Variants in ARHGAP32 observed in about 807,000 individuals in gnomAD.
ARHGAP32 encodes the protein Rho GTPase activating protein 32, also known as rho GTPase-activating protein 32.
ARHGAP32 carries 51 observed loss-of-function variants against 186.5 expected under a neutral mutation model. The ratio of observed to expected loss-of-function variants is 0.27; its 90% CI spans 0.22 to 0.35. ARHGAP32 has a LOEUF of 0.35. ARHGAP32 is among the 10% of genes least tolerant of loss of function. The pLI, the probability that ARHGAP32 is intolerant of heterozygous loss-of-function variation, is 1.00. For synonymous variants in ARHGAP32, 950 were observed against 964.3 expected (o/e 0.99, Z 0.27); for missense variants, 2,186 against 2,623.5 (o/e 0.83, Z 3.64).
intron 12 of ARHGAP32, among the ~76,000 whole-genome samples, chr11:128,989,516 T>TCACACACACACACACACACACACA (rs56090706): frequency 8.6e-5 from 12 of 139,034 alleles, no homozygotes; most frequent in Non-Finnish European, 1.4e-4. Flanking sequence ...GTTTTTTATT[T>TCACACACACACACACACACACACA]CACACACACA....
In ARHGAP32 at chr11:128,981,406, G is replaced by A. The variant is rs748668400; in HGVS notation, c.1780+10C>T. The stretch of plus-strand genomic sequence containing the variant: ...CACCCTCCTGGTAGGAAGGGCCATC[G>A]GAGCCGTACCTGCCCCCTCTTGCAT... On this transcript the variant is annotated intron_variant, in intron 17 of 22. Transcript: ENST00000682385. The A allele has an allele frequency of 2.7e-5, 43 of 1,573,728 alleles. 1 individual carries two copies. Among genetic ancestry groups the A allele is most frequent in the Admixed American group, 5.4e-5 (3 of 55,936 alleles).
At chr11:128,985,858 G>GTGTATC (rs760311247) in intron 15 of ARHGAP32, 145 bp downstream of exon 15, 2 of 95,312 alleles carry the variant, frequency 2.1e-5, no homozygotes, top group Non-Finnish European at 3.9e-5. Flanking sequence ...GTGTGTGTGT[G>GTGTATC]TATATATATA....
chr11:129,172,571 G>A (rs1212534722), intron 1 of ARHGAP32, among the ~76,000 whole-genome samples: 1 of 152,110 alleles, frequency 6.6e-6, no homozygotes, highest in Admixed American at 6.5e-5. Flanking sequence ...AAATGCAAAA[G>A]AACTAACTTC....
intron 5 of ARHGAP32, among the ~76,000 whole-genome samples, chr11:129,117,995 TAAAAC>T (rs979652973): frequency 5.9e-5 from 9 of 152,124 alleles, no homozygotes; most frequent in Admixed American, 3.3e-4. Context: ...TGGCTTTACT[TAAAAC>T]AAAAAGCCCC....
intron 11 of ARHGAP32, among the ~76,000 whole-genome samples, chr11:129,017,441 C>A (rs1331212467): frequency 7.6e-6 from 1 of 131,170 alleles, no homozygotes; most frequent in East Asian, 2.1e-4. Flanking sequence ...GAGCAAGACC[C>A]GGTCTCAAAA....
At chr11:129,049,839 T>C (rs1191617452) in intron 10 of ARHGAP32, among the ~76,000 whole-genome samples, 4 of 150,802 alleles carry the variant, frequency 2.7e-5, no homozygotes, top group Non-Finnish European at 4.4e-5. Flanking sequence ...GCTATGAACA[T>C]TCATGTATGA....
intron 1 of ARHGAP32, among the ~76,000 whole-genome samples, chr11:129,225,172 T>C (rs1350909068): frequency 6.6e-6 from 1 of 152,070 alleles, no homozygotes; most frequent in Non-Finnish European, 1.5e-5. Flanking sequence ...TAGAAAGCAG[T>C]AGGACAAAGA....
At chr11:128,996,822 C>T (rs1441019598) in intron 12 of ARHGAP32, among the ~76,000 whole-genome samples, 2 of 152,002 alleles carry the variant, frequency 1.3e-5, no homozygotes, top group Admixed American at 1.3e-4. Flanking sequence ...TGCTCCGTCG[C>T]CCAGGCTGGA....
chr11:129,228,847 TC>T (rs1944819980), intron 1 of ARHGAP32, among the ~76,000 whole-genome samples: 1 of 152,106 alleles, frequency 6.6e-6, no homozygotes, highest in African/African-American at 2.4e-5. Flanking sequence ...TGCACATGTA[TC>T]CCAGAACTTA....
intron 6 of ARHGAP32, among the ~76,000 whole-genome samples, chr11:129,078,442 C>T (rs576170938): frequency 4.6e-5 from 7 of 152,194 alleles, no homozygotes; most frequent in African/African-American, 7.2e-5. Context: ...GCAATGGATC[C>T]GAACAAAAAC....
At chr11:129,206,715 T>TG (rs1271382000) in intron 1 of ARHGAP32, among the ~76,000 whole-genome samples, 1 of 152,094 alleles carries the variant, frequency 6.6e-6, no homozygotes, top group Non-Finnish European at 1.5e-5. Context: ...TGTTGTTCTA[T>TG]GGGTTCCTCT....
At chr11:129,057,429 C>T (rs1422580032) in intron 10 of ARHGAP32, among the ~76,000 whole-genome samples, 1 of 152,082 alleles carries the variant, frequency 6.6e-6, no homozygotes, top group Non-Finnish European at 1.5e-5. Flanking sequence ...AAAGGTGGCT[C>T]AACCAGCTTC....
chr11:128,981,955 A>C lies in ARHGAP32; in HGVS notation c.1527-19T>G, dbSNP rs754307761. 2.1e-6 allele frequency: 3 copies of C among 1,447,350 alleles called. No homozygotes were observed. Among genetic ancestry groups the C allele is most frequent in the Non-Finnish European group, 2.9e-6 (3 of 1,038,272 alleles). The allele number at this position is 1,447,350 out of a possible 1,614,324, so 89.7% of individuals were successfully genotyped here. On this transcript the variant is annotated intron_variant, in intron 15 of 22. Transcript: ENST00000682385. ...CAGTGTTCTGGAAATAAAATACAAC[A>C]TATTAACAGAAAGAAACATGATGCA... is the stretch of plus-strand genomic sequence containing the variant.
intron 10 of ARHGAP32, among the ~76,000 whole-genome samples, chr11:129,059,271 T>A (rs17138110): frequency 0.015 from 2,324 of 152,226 alleles, 91 homozygotes; most frequent in Admixed American, 0.081. Context: ...CTGTTTTCTC[T>A]CCATAAAAAT....
intron 1 of ARHGAP32, among the ~76,000 whole-genome samples, chr11:129,230,646 A>T (rs1439098094): frequency 6.6e-6 from 1 of 152,194 alleles, no homozygotes; most frequent in Non-Finnish European, 1.5e-5. Flanking sequence ...TATTTTTAAA[A>T]TATTATTTCT....
intron 6 of ARHGAP32, among the ~76,000 whole-genome samples, chr11:129,067,676 C>G (rs575446643): frequency 6.6e-5 from 10 of 152,132 alleles, no homozygotes; most frequent in Admixed American, 5.2e-4. Context: ...CAAATCCCGA[C>G]TGTATAGCAT....
intron 2 of ARHGAP32, among the ~76,000 whole-genome samples, chr11:129,133,341 T>C (rs1180154657): frequency 2.0e-5 from 3 of 151,862 alleles, no homozygotes; most frequent in Non-Finnish European, 2.9e-5. Context: ...AAAAACACAA[T>C]AATACAGGAA....
intron 5 of ARHGAP32, among the ~76,000 whole-genome samples, chr11:129,103,787 T>C (rs1202634457): frequency 6.6e-6 from 1 of 152,036 alleles, no homozygotes; most frequent in Non-Finnish European, 1.5e-5. Flanking sequence ...ATATAATTCA[T>C]GCCAATAACC....
At chr11:129,011,524 G>GCTA (rs1185331284) in intron 11 of ARHGAP32, among the ~76,000 whole-genome samples, 1 of 152,176 alleles carries the variant, frequency 6.6e-6, no homozygotes, top group African/African-American at 2.4e-5. Flanking sequence ...GCCATGAGAG[G>GCTA]GGTAGGGAGC....
Sources: allele counts gnomAD v4.1 joint callset (sites outside exome capture counted in the v4.1 genomes callset), GRCh38; gene constraint gnomAD v4.1.1; transcripts MANE v1.5; gene names NCBI Gene and HGNC (gene_info 2026-07-23, HGNC 2026-07-21).